SPECC1: variants seen among roughly 807,000 people sequenced by gnomAD.
SPECC1 encodes the protein cytospin-B.
A neutral mutation model predicts 104.1 loss-of-function variants in SPECC1; 62 were observed. The observed-to-expected ratio is 0.60, with a 90% CI of 0.49 to 0.74. The LOEUF (loss-of-function observed/expected upper bound fraction) is 0.74. Ranked by LOEUF, SPECC1 falls within the 30% of genes least tolerant of loss-of-function variation. The pLI, the probability that SPECC1 is intolerant of heterozygous loss-of-function variation, is 0.00. For missense variants in SPECC1, 1,306 were observed against 1,310.5 expected, an observed-to-expected ratio of 1.00 and a Z score of 0.05; for synonymous variants, 513 against 501.6, an observed-to-expected ratio of 1.02 and a Z score of -0.30.
intron 4 of SPECC1, among the ~76,000 whole-genome samples, chr17:20,213,280 T>C (rs1350146844): frequency 6.6e-6 from 1 of 152,116 alleles, no homozygotes; most frequent in Non-Finnish European, 1.5e-5. Flanking sequence ...TTTATTTTCA[T>C]AGAGACAGGA....
intron 5 of SPECC1, among the ~76,000 whole-genome samples, chr17:20,231,233 TG>T (rs1246720612): frequency 3.3e-5 from 5 of 152,174 alleles, no homozygotes; most frequent in South Asian, 2.1e-4. Flanking sequence ...GTCTGGAGTG[TG>T]GGACTAGAAC....
intron 1 of SPECC1, among the ~76,000 whole-genome samples, chr17:20,046,740 G>C (rs1433218536): frequency 1.3e-5 from 2 of 152,102 alleles, no homozygotes; most frequent in Non-Finnish European, 2.9e-5. Flanking sequence ...TTAACTCACT[G>C]CAGGTGGAGG....
intron 3 of SPECC1, among the ~76,000 whole-genome samples, chr17:20,128,099 T>C (rs2049412458): frequency 6.6e-6 from 1 of 152,202 alleles, no homozygotes; most frequent in Admixed American, 6.5e-5. Flanking sequence ...CATATCAGTG[T>C]GTAAGTGCTG....
intron 1 of SPECC1, among the ~76,000 whole-genome samples, chr17:20,059,779 TTGAGCCCAGGAGTTTCAGGTTGCAG>T (rs1298407363): frequency 6.6e-6 from 1 of 152,212 alleles, no homozygotes; most frequent in Non-Finnish European, 1.5e-5. Context: ...GGAGGATCCC[TTGAGCCCAGGAGTTTCAGGTTGCAG>T]TGAGCTCTGA....
At chr17:20,221,348 G>T (rs755486990) in intron 4 of SPECC1, among the ~76,000 whole-genome samples, 4 of 152,024 alleles carry the variant, frequency 2.6e-5, no homozygotes, top group African/African-American at 9.7e-5. Context: ...ACTTGTTACC[G>T]GTCTGTTCAG....
At chr17:20,163,300 T>C (rs2033341330) in intron 3 of SPECC1, among the ~76,000 whole-genome samples, 1 of 152,214 alleles carries the variant, frequency 6.6e-6, no homozygotes, top group Non-Finnish European at 1.5e-5. Flanking sequence ...CGTCTTGTTA[T>C]TCCATATGTT....
At chr17:20,120,777 A>G (rs1161471012) in intron 3 of SPECC1, among the ~76,000 whole-genome samples, 1 of 152,198 alleles carries the variant, frequency 6.6e-6, no homozygotes. Flanking sequence ...ACAAGAATTA[A>G]ATCTATAGTC....
chr17:20,225,246 A>G (rs1222987489), intron 4 of SPECC1, among the ~76,000 whole-genome samples: 1 of 152,122 alleles, frequency 6.6e-6, no homozygotes, highest in South Asian at 2.1e-4. Context: ...AGAGTGGTGC[A>G]AGCACTCCCT....
intron 1 of SPECC1, among the ~76,000 whole-genome samples, chr17:20,065,233 T>C (rs1427779658): frequency 6.6e-6 from 1 of 152,152 alleles, no homozygotes; most frequent in African/African-American, 2.4e-5. Context: ...ACCAGCTAGG[T>C]GTTCTCCAGT....
rs115846838 is a variant in SPECC1, at chr17:20,080,112, C to T, written c.-21-16519C>T. Among the ~76,000 whole-genome samples, 1,464 of 152,266 alleles carry T rather than the reference C, an allele frequency of 9.6e-3. 20 individuals are homozygous for T. Among genetic ancestry groups the T allele is most frequent in the African/African-American group, 0.034 (1,402 of 41,542 alleles). ...ATTAATGTATCTTGAAAGGACTTAA[C>T]CGCAAGTGAGAAACAATGAAAATGA... is the stretch of plus-strand genomic sequence containing the variant. On this transcript the variant is annotated intron_variant, in intron 1 of 14. Coordinates refer to ENST00000395527, the MANE Select transcript of SPECC1 (RefSeq NM_001243439.2).
chr17:20,237,302 GTTGTT>G lies in SPECC1; in HGVS notation c.2351+4910_2351+4914del, dbSNP rs1359640693. 1.2e-5 allele frequency: 13 copies of G among 1,058,342 alleles called. No individual in the cohort carries two copies. The South Asian group carries it at 2.1e-4, about 17-fold the overall frequency. 65.6% of individuals were successfully genotyped at this position (1,058,342 alleles called of 1,614,324 possible). A position where few individuals can be genotyped will look rare whatever the true frequency, so the allele number is the denominator to read the frequency against. On this transcript the variant is annotated intron_variant, in intron 7 of 14. Coordinates refer to ENST00000395527, the MANE Select transcript of SPECC1 (RefSeq NM_001243439.2). ...TTTGTTTTTTGTTGTTGTTGTTGTTGTTGTTTTGTTTTGTTTTTTTTTTTTTTTTG... is the reference window on the plus strand; with the variant it reads ...TTTGTTTTTTGTTGTTGTTGTTGTTGTTGTTTTGTTTTTTTTTTTTTTTTG...
chr17:20,022,300 A>G (rs973979842), intron 1 of SPECC1, among the ~76,000 whole-genome samples: 10 of 152,090 alleles, frequency 6.6e-5, no homozygotes, highest in African/African-American at 1.9e-4. Flanking sequence ...GAATGCTTTT[A>G]TATATGCTTG....
intron 1 of SPECC1, among the ~76,000 whole-genome samples, chr17:20,030,081 GC>G (rs2044749708): frequency 6.6e-6 from 1 of 152,172 alleles, no homozygotes; most frequent in Non-Finnish European, 1.5e-5. Context: ...CAGGTGTTTA[GC>G]CTCCAGAACT....
chr17:20,231,967 T>G (rs2038610229), intron 6 of SPECC1, 136 bp downstream of exon 6: 1 of 996,308 alleles, frequency 1.0e-6, no homozygotes, highest in Admixed American at 2.4e-5. Context: ...AAATTCTTGT[T>G]GGCAGGAAGT....
At chr17:20,200,891 A>T (rs1161280451) in intron 3 of SPECC1, among the ~76,000 whole-genome samples, 1 of 72,904 alleles carries the variant, frequency 1.4e-5, no homozygotes, top group African/African-American at 1.0e-4. Context: ...CAGACATAGT[A>T]AAAAAAAAAA....
chr17:20,217,366 G>A (rs937875895), intron 4 of SPECC1, among the ~76,000 whole-genome samples: 1 of 151,662 alleles, frequency 6.6e-6, no homozygotes, highest in Non-Finnish European at 1.5e-5. Context: ...ATGTAGTGAT[G>A]TGTGCATGTG....
chr17:20,243,970 A>G (rs1195173528), intron 7 of SPECC1, among the ~76,000 whole-genome samples: 2 of 152,140 alleles, frequency 1.3e-5, no homozygotes, highest in African/African-American at 2.4e-5. Context: ...TAATCCTGGC[A>G]CTTTGGGAGG....
At chr17:20,265,916 A>G (rs1331749304) in intron 12 of SPECC1, among the ~76,000 whole-genome samples, 2 of 152,002 alleles carry the variant, frequency 1.3e-5, no homozygotes, top group African/African-American at 4.8e-5. Flanking sequence ...CTATTTCTGG[A>G]TACTCTAACT....
intron 13 of SPECC1, chr17:20,305,689 AT>A (rs994791730): frequency 9.2e-5 from 21 of 229,246 alleles, no homozygotes; most frequent in Admixed American, 5.6e-4. Flanking sequence ...TACTTTGATA[AT>A]TTTTTTGATA....
Sources: allele counts gnomAD v4.1 joint callset (sites outside exome capture counted in the v4.1 genomes callset), GRCh38; gene constraint gnomAD v4.1.1; transcripts MANE v1.5; gene names NCBI Gene and HGNC (gene_info 2026-07-23, HGNC 2026-07-21).